Variants in REV1 observed in about 807,000 individuals in gnomAD.
The protein encoded by REV1 is translesion synthesis protein REV1.
A neutral mutation model predicts 137.4 loss-of-function variants in REV1; 42 were observed. The ratio of observed to expected loss-of-function variants is 0.31; its 90% CI spans 0.24 to 0.40. REV1 has a LOEUF of 0.40. Ranked by LOEUF, REV1 falls within the 10% of genes least tolerant of loss-of-function variation. The pLI, the probability that REV1 is intolerant of heterozygous loss-of-function variation, is 1.00. For synonymous variants in REV1, 524 were observed against 519.2 expected (o/e 1.01, Z -0.12); for missense variants, 1,282 against 1,490.1 (o/e 0.86, Z 2.30).
At chr2:99,414,238 T>C (rs1035538041) in intron 12 of REV1, among the ~76,000 whole-genome samples, 3 of 152,116 alleles carry the variant, frequency 2.0e-5, no homozygotes, top group African/African-American at 7.2e-5. Flanking sequence ...GCAGAAAAAC[T>C]ATCTAGTCCA....
chr2:99,467,673 T>A (rs867199094), intron 1 of REV1, among the ~76,000 whole-genome samples: 1 of 152,180 alleles, frequency 6.6e-6, no homozygotes, highest in Non-Finnish European at 1.5e-5. Flanking sequence ...CAGAACCCTA[T>A]GAGTAACAAG....
In REV1 at chr2:99,439,236, T is replaced by C; in HGVS notation, c.578A>G (p.Asp193Gly). 1 of 1,614,192 alleles carries C rather than the reference T, an allele frequency of 6.2e-7. No homozygotes were observed. The highest frequency in any genetic ancestry group is 8.5e-7 in the Non-Finnish European group (1 of 1,180,018). Residue 193 changes from aspartate (D) to glycine (G), a missense_variant, in exon 6 of 23, where the codon GAT (aspartate) becomes GGT (glycine). Physicochemically the swap from Asp to Gly is moderately conservative, Grantham distance 94. Coordinates refer to ENST00000258428, the MANE Select transcript of REV1 (RefSeq NM_016316.4). ...VNGMNSWNEEDENNDFSFVDL... is the reference protein window; with the variant it reads ...VNGMNSWNEEGENNDFSFVDL... ...CACAAAACTAAAATCATTATTTTCATCTTCTTCATTCCAACTGTTCATGCC... is the reference window on the plus strand; with the variant it reads ...CACAAAACTAAAATCATTATTTTCACCTTCTTCATTCCAACTGTTCATGCC...
At chr2:99,405,444 T>C (rs1487590789) in intron 17 of REV1, 1 of 153,244 alleles carries the variant, frequency 6.5e-6, no homozygotes, top group African/African-American at 2.4e-5. Flanking sequence ...CCAATATAGC[T>C]TAAGGTGCTA....
At chr2:99,475,471 T>C (rs1685868623) in intron 1 of REV1, among the ~76,000 whole-genome samples, 1 of 152,226 alleles carries the variant, frequency 6.6e-6, no homozygotes, top group African/African-American at 2.4e-5. Context: ...ATTTTGCTTC[T>C]AAGAGAAGTT....
rs1559350561 is a variant in REV1, at chr2:99,439,111, C to T, written c.703G>A (p.Ala235Thr). The change falls in exon 6 of 23, where the codon GCC (alanine) becomes ACC (threonine). Residue 235 changes from alanine to threonine, a missense_variant. Physicochemically the swap from Ala to Thr is moderately conservative, Grantham distance 58. Around this residue, in one of 7 missense-constraint regions of REV1, gnomAD observed 432 missense variants for 438.0 expected, o/e 0.99. Transcript: ENST00000258428. ...ACCAAGCAATCCTGTGTCTTTAAGG[C>T]ACCATTAGAGCTAGGAGTGTGTCCA... ...FNGHTPSSNG[A>T]LKTQDCLVPM... is the part of the protein sequence containing the mutation. The T allele has an allele frequency of 6.2e-7, 1 of 1,614,150 alleles. No homozygotes were observed.
chr2:99,458,935 G>T (rs374445801), intron 3 of REV1, among the ~76,000 whole-genome samples: 5 of 152,130 alleles, frequency 3.3e-5, no homozygotes, highest in African/African-American at 1.2e-4. Context: ...GAGGCCGGGC[G>T]CGGTGGCTCA....
chr2:99,441,762 C>T (rs1037496463), intron 5 of REV1, among the ~76,000 whole-genome samples: 3 of 152,134 alleles, frequency 2.0e-5, no homozygotes, highest in African/African-American at 4.8e-5. Context: ...CAATTAAGAT[C>T]CACTAGTTTA....
rs1007686703 is a variant in REV1, at chr2:99,410,704, T to G, written c.2336A>C (p.Asn779Thr). 2.5e-6 allele frequency: 4 copies of G among 1,588,068 alleles called. No homozygotes were observed. The highest frequency in any genetic ancestry group is 3.4e-6 in the Non-Finnish European group (4 of 1,173,132). Reference sequence around the variant, plus strand: ...TCTGAGGTGAGCTTACCTGGCAATGTTATCACAAATTCCATGGCCTCCAAA... The same window carrying G: ...TCTGAGGTGAGCTTACCTGGCAATGGTATCACAAATTCCATGGCCTCCAAA... ...AKFGGHGICD[N>T]IARTVTLDQA... The change falls in exon 14 of 23, where the codon AAC (asparagine) becomes ACC (threonine). Residue 779 changes from asparagine (N) to threonine (T), a missense_variant. Coordinates refer to ENST00000258428, the MANE Select transcript of REV1 (RefSeq NM_016316.4).
At chr2:99,437,136 C>T (rs566205454) in intron 6 of REV1, among the ~76,000 whole-genome samples, 12 of 151,776 alleles carry the variant, frequency 7.9e-5, no homozygotes, top group Admixed American at 2.0e-4. Flanking sequence ...CGTGCCACCA[C>T]GCCCAGCTAA....
At chr2:99,451,843 A>G (rs902594799) in intron 3 of REV1, among the ~76,000 whole-genome samples, 1 of 151,894 alleles carries the variant, frequency 6.6e-6, no homozygotes, top group Admixed American at 6.6e-5. Context: ...ACAAAAACAG[A>G]CCTGCCAATA....
chr2:99,457,692 A>AG (rs1683691212), intron 3 of REV1, among the ~76,000 whole-genome samples: 1 of 152,024 alleles, frequency 6.6e-6, no homozygotes, highest in Admixed American at 6.5e-5. Flanking sequence ...CTCAAGAAAA[A>AG]AAAAAAAAAG....
intron 3 of REV1, among the ~76,000 whole-genome samples, chr2:99,453,670 G>T (rs1363623619): frequency 1.3e-5 from 2 of 151,568 alleles, no homozygotes; most frequent in Non-Finnish European, 2.9e-5. Context: ...CAAGGCAGGC[G>T]GATCACAAGG....
chr2:99,454,125 C>G (rs1683248768), intron 3 of REV1, among the ~76,000 whole-genome samples: 1 of 151,874 alleles, frequency 6.6e-6, no homozygotes, highest in African/African-American at 2.4e-5. Context: ...CCTCCTGGTT[C>G]ATGCTTGTAA....
intron 2 of REV1, 30 bp downstream of exon 2, chr2:99,464,892 T>G: frequency 3.1e-6 from 5 of 1,595,020 alleles, no homozygotes; most frequent in Non-Finnish European, 4.3e-6. Flanking sequence ...GACAGTTCGA[T>G]ATAATTATTT....
At chr2:99,445,131 C>CA (rs11367061) in intron 4 of REV1, among the ~76,000 whole-genome samples, 2,107 of 140,712 alleles carry the variant, frequency 0.015, 45 homozygotes, top group African/African-American at 0.048. Flanking sequence ...CGTTTAGGAA[C>CA]AAAAAAAAAA....
At chr2:99,438,105 T>TA (rs1242385640) in intron 6 of REV1, among the ~76,000 whole-genome samples, 4 of 152,278 alleles carry the variant, frequency 2.6e-5, no homozygotes, top group African/African-American at 7.2e-5. Flanking sequence ...AGAAAAGTAT[T>TA]AAAAAACAAA....
chr2:99,417,298 C>A (rs144665549), intron 12 of REV1, among the ~76,000 whole-genome samples: 59 of 152,136 alleles, frequency 3.9e-4, no homozygotes, highest in Non-Finnish European at 7.4e-4. Context: ...TGCCACCTAC[C>A]CCCAGCTAAT....
At chr2:99,472,450 AGT>A (rs919709098) in intron 1 of REV1, among the ~76,000 whole-genome samples, 1 of 152,232 alleles carries the variant, frequency 6.6e-6, no homozygotes, top group Non-Finnish European at 1.5e-5. Flanking sequence ...GGAGATGGAT[AGT>A]GGTGATGGTT....
intron 11 of REV1, among the ~76,000 whole-genome samples, chr2:99,419,375 G>T (rs550228816): frequency 1.3e-5 from 2 of 151,746 alleles, no homozygotes; most frequent in African/African-American, 4.8e-5. Context: ...ACCATGCCCG[G>T]CTAATTTTTC....
Sources: gnomAD v4.1 joint callset for allele counts (sites outside exome capture counted in the v4.1 genomes callset) on GRCh38, gnomAD v4.1.1 for gene constraint, gnomAD v4.1.1 regional missense constraint, MANE v1.5 for transcripts, NCBI Gene and HGNC (gene_info 2026-07-23, HGNC 2026-07-21) for gene names.